Variants in DNMT3B observed in about 807,000 individuals in gnomAD.
DNMT3B encodes DNA (cytosine-5)-methyltransferase 3B.
Under a neutral mutation model 120.2 loss-of-function variants are expected in DNMT3B, and 37 were observed. That is an observed-to-expected ratio of 0.31 (90% CI 0.24 to 0.40). DNMT3B has a LOEUF of 0.40. DNMT3B is among the 10% of genes least tolerant of loss of function. The pLI, the probability that DNMT3B is intolerant of heterozygous loss-of-function variation, is 1.00. For missense variants in DNMT3B, 878 were observed against 1,137.3 expected (o/e 0.77, Z 3.28); for synonymous variants, 412 against 442.8 (o/e 0.93, Z 0.87).
intron 9 of DNMT3B, 85 bp downstream of exon 9, chr20:32,792,855 C>T (rs781732386): frequency 3.0e-5 from 48 of 1,576,088 alleles, no homozygotes; most frequent in Middle Eastern, 2.2e-4. Context: ...TGCTGCCCCA[C>T]ACCCCACCCA....
At position 32,784,850 on chromosome 20, in the gene DNMT3B, A is replaced by G; in HGVS notation, c.297A>G (p.Glu99=). The G allele has an allele frequency of 6.2e-7, 1 of 1,614,134 alleles. No individual in the cohort carries two copies. Among genetic ancestry groups the G allele is most frequent in the Non-Finnish European group, 8.5e-7 (1 of 1,180,042 alleles). ...KLFRETRTRS[E]SPAVRTRNNN... The stretch of plus-strand genomic sequence containing the variant: ...TCCGGGAAACCAGGACTCGTTCAGA[A>G]AGCCCAGCTGTAAGTAGCCACACCT... The change falls in exon 4 of 23, where the codon GAA becomes GAG. Residue 99 remains glutamate, a synonymous_variant. Coordinates refer to ENST00000328111, the MANE Select transcript of DNMT3B (RefSeq NM_006892.4).
At chr20:32,785,819 A>T (rs555547338) in intron 4 of DNMT3B, among the ~76,000 whole-genome samples, 13 of 152,156 alleles carry the variant, frequency 8.5e-5, no homozygotes, top group African/African-American at 3.1e-4. Context: ...AATTGGCCTT[A>T]TGCTTCTTTG....
At chr20:32,782,918 T>C (rs1978797212) in intron 3 of DNMT3B, among the ~76,000 whole-genome samples, 2 of 152,086 alleles carry the variant, frequency 1.3e-5, no homozygotes, top group Admixed American at 1.3e-4. Context: ...ATGAATGAAA[T>C]GGGTATTTTT....
chr20:32,797,340 C>T, intron 14 of DNMT3B, 41 bp downstream of exon 14: 1 of 1,586,948 alleles, frequency 6.3e-7, no homozygotes, highest in Non-Finnish European at 8.6e-7. Flanking sequence ...GGTGGGCCCC[C>T]AAGGCTCCTA....
intron 3 of DNMT3B, among the ~76,000 whole-genome samples, chr20:32,783,266 G>A (rs1978842720): frequency 6.6e-6 from 1 of 152,106 alleles, no homozygotes; most frequent in Non-Finnish European, 1.5e-5. Context: ...TTTGATGTTA[G>A]GATTAGGTGG....
At chr20:32,781,974 T>C (rs531623378) in intron 3 of DNMT3B, among the ~76,000 whole-genome samples, 1 of 152,342 alleles carries the variant, frequency 6.6e-6, no homozygotes, top group East Asian at 1.9e-4. Flanking sequence ...AATTCAGTTA[T>C]GCCAAAGAGA....
chr20:32,784,652 C>G, intron 3 of DNMT3B, 106 bp from the exon 4 acceptor site: 2 of 1,252,174 alleles, frequency 1.6e-6, no homozygotes, highest in Admixed American at 3.8e-5. Flanking sequence ...GACCCGGTCT[C>G]CCTGCCAGGC....
chr20:32,801,692 C>T (rs1035556407), intron 19 of DNMT3B, among the ~76,000 whole-genome samples: 1 of 152,188 alleles, frequency 6.6e-6, no homozygotes, highest in African/African-American at 2.4e-5. Flanking sequence ...TCAGGCAATC[C>T]TCCTACCTCA....
At chr20:32,800,790 T>G in intron 17 of DNMT3B, 45 bp from the exon 18 acceptor site, 1 of 1,600,814 alleles carries the variant, frequency 6.2e-7, no homozygotes, top group South Asian at 1.1e-5. Context: ...CAGCTCTCTT[T>G]CCCTCTGTCC....
intron 1 of DNMT3B, among the ~76,000 whole-genome samples, chr20:32,777,570 G>T (rs1185668032): frequency 1.3e-5 from 2 of 152,162 alleles, no homozygotes; most frequent in African/African-American, 2.4e-5. Flanking sequence ...AACCCTGTGT[G>T]TCCTCCCCCC....
rs1386013606 is a variant in DNMT3B, at chr20:32,784,860, G to C, written c.306+1G>C. 1 of 1,614,048 alleles carries C rather than the reference G, an allele frequency of 6.2e-7. No homozygotes were observed. Among genetic ancestry groups the C allele is most frequent in the Non-Finnish European group, 8.5e-7 (1 of 1,179,996 alleles). On this transcript the variant is annotated splice_donor_variant, in intron 4 of 22. Coordinates refer to ENST00000328111, the MANE Select transcript of DNMT3B (RefSeq NM_006892.4). LOFTEE classifies it high-confidence loss of function. Reference sequence around the variant, plus strand: ...CAGGACTCGTTCAGAAAGCCCAGCTGTAAGTAGCCACACCTCGAGCCAAAG... The same window carrying C: ...CAGGACTCGTTCAGAAAGCCCAGCTCTAAGTAGCCACACCTCGAGCCAAAG...
At chr20:32,806,163 G>A in intron 21 of DNMT3B, 46 bp from the exon 22 acceptor site, 1 of 1,574,682 alleles carries the variant, frequency 6.4e-7, no homozygotes. Flanking sequence ...GACTCCCCAG[G>A]TCCCTTCATT....
chr20:32,791,500 A>T (rs1182400757), intron 7 of DNMT3B, 101 bp from the exon 8 acceptor site: 10 of 1,121,274 alleles, frequency 8.9e-6, no homozygotes, highest in Non-Finnish European at 1.3e-5. Context: ...CTCTTGGTTA[A>T]AGTGTGTGAA....
chr20:32,773,401 T>G (rs1262481911), intron 1 of DNMT3B, among the ~76,000 whole-genome samples: 1 of 152,130 alleles, frequency 6.6e-6, no homozygotes, highest in African/African-American at 2.4e-5. Context: ...AAACGCATTC[T>G]GAATTGTGGA....
In DNMT3B at chr20:32,807,910, C is replaced by T; in HGVS notation, c.*7C>T. 6.2e-7 allele frequency: 1 copy of T among 1,614,158 alleles called. No homozygotes were observed. Among genetic ancestry groups the T allele is most frequent in the South Asian group, 1.1e-5 (1 of 91,086 alleles). On this transcript the variant is annotated 3_prime_UTR_variant, in exon 23 of 23. Transcript: ENST00000328111. ...CTACTTTGCATGTGAATAGTTCCAGCCAGGCCCCAAGCCCACTGGGGTGTG... is the reference window on the plus strand; with the variant it reads ...CTACTTTGCATGTGAATAGTTCCAGTCAGGCCCCAAGCCCACTGGGGTGTG...
Position 32,799,322 on chromosome 20 carries a change from G to A in DNMT3B, c.1753G>A (p.Ala585Thr), listed in dbSNP as rs750849178. 5 of 1,612,560 alleles carry A rather than the reference G, an allele frequency of 3.1e-6. No homozygotes were observed. The highest frequency in any genetic ancestry group is 1.1e-5 in the South Asian group (1 of 90,646). ...IRVLSLFDGI[A>T]TGYLVLKELG... is the part of the protein sequence containing the mutation. ...AGTCCTGTCATTGTTTGATGGCATCGCGACAGGTGAGTTCGGGGAACACCT... is the reference window on the plus strand; with the variant it reads ...AGTCCTGTCATTGTTTGATGGCATCACGACAGGTGAGTTCGGGGAACACCT... The change falls in exon 16 of 23, where the codon GCG (alanine) becomes ACG (threonine). Residue 585 changes from alanine to threonine, a missense_variant. Coordinates refer to ENST00000328111, the MANE Select transcript of DNMT3B (RefSeq NM_006892.4).
intron 17 of DNMT3B, 89 bp downstream of exon 17, chr20:32,800,387 C>T: frequency 3.9e-6 from 6 of 1,555,542 alleles, no homozygotes; most frequent in Non-Finnish European, 5.3e-6. Context: ...TAGGCCCCAT[C>T]CCTGAGACCC....
chr20:32,769,068 G>C (rs962565483), intron 1 of DNMT3B, among the ~76,000 whole-genome samples: 2 of 152,156 alleles, frequency 1.3e-5, no homozygotes, highest in East Asian at 1.9e-4. Flanking sequence ...GAGTAGAACT[G>C]CATTAAAACA....
chr20:32,791,517 C>T, intron 7 of DNMT3B, 84 bp from the exon 8 acceptor site: 5 of 1,305,800 alleles, frequency 3.8e-6, no homozygotes. Context: ...TGAAAATCTT[C>T]TGCATCTGAT....
Sources: allele counts gnomAD v4.1 joint callset (sites outside exome capture counted in the v4.1 genomes callset), GRCh38; gene constraint gnomAD v4.1.1; transcripts MANE v1.5; gene names NCBI Gene and HGNC (gene_info 2026-07-23, HGNC 2026-07-21).